Variants in C16orf74 observed in about 807,000 individuals in gnomAD.
The protein encoded by C16orf74 is uncharacterized protein C16orf74.
C16orf74 carries 10 observed loss-of-function variants against 6.5 expected under a neutral mutation model. The observed-to-expected ratio is 1.54, with a 90% CI of 0.95 to 2.61. The LOEUF is 2.61. Among genes scored for constraint, C16orf74 ranks in the 30% most tolerant of loss-of-function variants. C16orf74 has a pLI of 0.00. For synonymous variants in C16orf74, 60 were observed against 42.5 expected, an observed-to-expected ratio of 1.41 and a Z score of -1.60; for missense variants, 141 against 105.9, an observed-to-expected ratio of 1.33 and a Z score of -1.45.
At chr16:85,727,569 G>T (rs2054146672) in intron 2 of C16orf74, among the ~76,000 whole-genome samples, 1 of 151,740 alleles carries the variant, frequency 6.6e-6, no homozygotes, top group Admixed American at 6.6e-5. Context: ...CAGCACTTTG[G>T]CAGGTTGAGG....
At chr16:85,744,243 A>G (rs1215390574) in intron 1 of C16orf74, 1 of 149,846 alleles carries the variant, frequency 6.7e-6, no homozygotes, top group African/African-American at 2.5e-5. Context: ...AAAAAAAAAA[A>G]AAAAGAAAAG....
At chr16:85,724,892 G>C (rs1361755339) in intron 2 of C16orf74, among the ~76,000 whole-genome samples, 2 of 152,214 alleles carry the variant, frequency 1.3e-5, no homozygotes, top group Non-Finnish European at 2.9e-5. Context: ...GTGAGGAGGA[G>C]AACATCCTTG....
chr16:85,750,601 C>G (rs932291784), intron 1 of C16orf74, among the ~76,000 whole-genome samples: 6 of 152,244 alleles, frequency 3.9e-5, no homozygotes, highest in African/African-American at 9.6e-5. Context: ...CTGGTCCATT[C>G]CCAAGGAACT....
intron 2 of C16orf74, among the ~76,000 whole-genome samples, chr16:85,711,348 C>G (rs58773421): frequency 6.9e-6 from 1 of 145,890 alleles, no homozygotes; most frequent in African/African-American, 2.6e-5. Context: ...GGCGTGGTGG[C>G]TCATACCTGT....
At chr16:85,728,392 C>T (rs1231432633) in intron 2 of C16orf74, among the ~76,000 whole-genome samples, 4 of 152,128 alleles carry the variant, frequency 2.6e-5, no homozygotes, top group Admixed American at 6.6e-5. Flanking sequence ...AGGACAAAGC[C>T]TTCATCTTTC....
intron 1 of C16orf74, among the ~76,000 whole-genome samples, chr16:85,740,632 C>G (rs1213607711): frequency 6.7e-6 from 1 of 149,418 alleles, no homozygotes; most frequent in African/African-American, 2.5e-5. Context: ...GCGGAGCTTG[C>G]AGGGAGCCGA....
chr16:85,745,102 T>C (rs8062626), intron 1 of C16orf74, among the ~76,000 whole-genome samples: 6,752 of 125,720 alleles, frequency 0.054, 320 homozygotes, highest in African/African-American at 0.14. Context: ...GATTCCACCA[T>C]TGCACTCCAG....
intron 2 of C16orf74, among the ~76,000 whole-genome samples, chr16:85,727,241 G>C (rs1475579582): frequency 6.6e-6 from 1 of 152,220 alleles, no homozygotes; most frequent in East Asian, 1.9e-4. Context: ...GGGATTCTGG[G>C]TTTTGGGTTG....
At chr16:85,736,436 G>C (rs971999655) in intron 1 of C16orf74, among the ~76,000 whole-genome samples, 3 of 152,172 alleles carry the variant, frequency 2.0e-5, no homozygotes, top group African/African-American at 7.2e-5. Flanking sequence ...CTTGCTCTGG[G>C]CCAGAAATCG....
At chr16:85,744,609 T>C (rs1283833260) in intron 1 of C16orf74, among the ~76,000 whole-genome samples, 3 of 152,046 alleles carry the variant, frequency 2.0e-5, no homozygotes, top group Non-Finnish European at 2.9e-5. Flanking sequence ...GGCGGGCGGA[T>C]CACGAGGTCA....
rs1369657354 is a variant in C16orf74 at position 85,723,276 on chromosome 16, A to AAG, written c.28+11913_28+11914insCT. Among the ~76,000 whole-genome samples, 468 of 149,398 alleles carry AAG rather than the reference A, an allele frequency of 3.1e-3. 1 individual carries two copies. Among genetic ancestry groups the AAG allele is most frequent in the African/African-American group, 0.011 (443 of 39,562 alleles). On this transcript the variant is annotated intron_variant, in intron 2 of 3. Transcript: ENST00000284245. ...CTCCATCTCAAAAAAAAAAAAAAAAAAAAAGGCCAGGTGCAGTGGCACATG... is the reference window on the plus strand; with the variant it reads ...CTCCATCTCAAAAAAAAAAAAAAAAAAGAAAAGGCCAGGTGCAGTGGCACATG...
chr16:85,730,018 G>C (rs2054171858), intron 2 of C16orf74, among the ~76,000 whole-genome samples: 1 of 152,168 alleles, frequency 6.6e-6, no homozygotes, highest in African/African-American at 2.4e-5. Flanking sequence ...AGCCAGCCAA[G>C]TCGGGTGCCA....
At chr16:85,719,691 T>A (rs938695503) in intron 2 of C16orf74, among the ~76,000 whole-genome samples, 1 of 152,072 alleles carries the variant, frequency 6.6e-6, no homozygotes, top group African/African-American at 2.4e-5. Context: ...AGACTGGGAA[T>A]TGGAAAAGGC....
At chr16:85,724,337 T>C (rs1001288039) in intron 2 of C16orf74, among the ~76,000 whole-genome samples, 1 of 152,180 alleles carries the variant, frequency 6.6e-6, no homozygotes, top group African/African-American at 2.4e-5. Context: ...GAGCACGTGG[T>C]GCAGGCCAGG....
In C16orf74 at chr16:85,711,460, C is replaced by CAA. The variant is rs11392884; in HGVS notation, c.29-1155_29-1154dup. ...AGAAACCCCGTCTCCACTGAAAATA[C>CAA]AAAAAAAAAAAAATTAGCTGGGCAT... On this transcript the variant is annotated intron_variant, in intron 2 of 3. Coordinates refer to ENST00000284245, the MANE Select transcript of C16orf74 (RefSeq NM_206967.3). Among the ~76,000 whole-genome samples, 774 of 143,864 alleles carry CAA rather than the reference C, an allele frequency of 5.4e-3. 2 individuals carry two copies. Among genetic ancestry groups the CAA allele is most frequent in the East Asian group, 0.015 (76 of 4,908 alleles). 94.4% of individuals were successfully genotyped at this position (143,864 alleles called of 152,430 possible).
chr16:85,741,447 C>A (rs549522716), intron 1 of C16orf74, among the ~76,000 whole-genome samples: 23 of 152,230 alleles, frequency 1.5e-4, no homozygotes, highest in African/African-American at 5.5e-4. Context: ...GGACCAGGAG[C>A]AGCTCCAGCC....
intron 3 of C16orf74, among the ~76,000 whole-genome samples, chr16:85,708,512 C>T (rs896499479): frequency 6.6e-6 from 1 of 152,226 alleles, no homozygotes; most frequent in African/African-American, 2.4e-5. Flanking sequence ...AGCAGGAGCC[C>T]AGCTCTTCTC....
chr16:85,736,999 T>C (rs1288290285), intron 1 of C16orf74, among the ~76,000 whole-genome samples: 1 of 151,618 alleles, frequency 6.6e-6, no homozygotes, highest in African/African-American at 2.4e-5. Flanking sequence ...GCTGAGATCG[T>C]GCCACTGCAC....
At chr16:85,714,852 T>G (rs1456840732) in intron 2 of C16orf74, among the ~76,000 whole-genome samples, 1 of 151,922 alleles carries the variant, frequency 6.6e-6, no homozygotes, top group African/African-American at 2.4e-5. Context: ...GGTTTGAACC[T>G]TCTTTAAAGA....
Sources: gnomAD v4.1 joint callset for allele counts (sites outside exome capture counted in the v4.1 genomes callset) on GRCh38, gnomAD v4.1.1 for gene constraint, MANE v1.5 for transcripts, NCBI Gene and HGNC (gene_info 2026-07-23, HGNC 2026-07-21) for gene names.